The following ADAMTSL1 variants were observed in gnomAD, a reference collection of about 807,000 sequenced individuals.
ADAMTSL1 encodes ADAMTS like 1.
In ADAMTSL1, 126 loss-of-function variants were observed where a neutral mutation model predicts 201.8. The ratio of observed to expected loss-of-function variants is 0.62; its 90% CI spans 0.54 to 0.72. ADAMTSL1 has a LOEUF of 0.72. Ranked by LOEUF, ADAMTSL1 falls within the 30% of genes least tolerant of loss-of-function variation. The pLI is 0.00. For synonymous variants in ADAMTSL1, 1,121 were observed against 903.4 expected (o/e 1.24, Z -4.32); for missense variants, 2,679 against 2,277.8 (o/e 1.18, Z -3.59).
At position 17,910,284 on chromosome 9, in the gene ADAMTSL1, A is replaced by G. The variant is rs1825874661; in HGVS notation, c.87+3362A>G. 5.8e-5 allele frequency among the ~76,000 whole-genome samples: 4 copies of G among 69,200 alleles called. 2 individuals carry two copies. The South Asian group carries it at 3.9e-3, about 68-fold the overall frequency. The allele number at this position is 69,200 out of a possible 152,430, so 45.4% of individuals were successfully genotyped here. On this transcript the variant is annotated intron_variant, in intron 1 of 29. Transcript: ENST00000680146. Reference sequence around the variant, plus strand: ...ATCCACAAGGTAGAAATTCTACCTTATCATTGATAATTTGCTACAATACCT... The same window carrying G: ...ATCCACAAGGTAGAAATTCTACCTTGTCATTGATAATTTGCTACAATACCT...
intron 3 of ADAMTSL1, among the ~76,000 whole-genome samples, chr9:18,566,167 A>C (rs1821878326): frequency 6.6e-6 from 1 of 152,202 alleles, no homozygotes; most frequent in Non-Finnish European, 1.5e-5. Context: ...GAAAGAAAAA[A>C]ATTAGATATT....
At chr9:18,173,918 T>C (rs897355988) in intron 2 of ADAMTSL1, among the ~76,000 whole-genome samples, 1 of 152,154 alleles carries the variant, frequency 6.6e-6, no homozygotes, top group African/African-American at 2.4e-5. Context: ...ACTCCAACTT[T>C]TTTTCTTCAG....
chr9:18,865,344 T>A (rs1353921093), intron 23 of ADAMTSL1, among the ~76,000 whole-genome samples: 1 of 152,210 alleles, frequency 6.6e-6, no homozygotes, highest in Non-Finnish European at 1.5e-5. Flanking sequence ...TCCAGCTTCA[T>A]CCATGTCCCT....
chr9:18,653,051 A>T (rs1587808971), intron 7 of ADAMTSL1, among the ~76,000 whole-genome samples: 4 of 152,248 alleles, frequency 2.6e-5, no homozygotes, highest in Non-Finnish European at 2.9e-5. Context: ...GACTCTGCCA[A>T]TATGCCCCTT....
At chr9:17,916,086 A>AT (rs926997210) in intron 1 of ADAMTSL1, among the ~76,000 whole-genome samples, 5 of 152,214 alleles carry the variant, frequency 3.3e-5, no homozygotes, top group East Asian at 1.9e-4. Context: ...TGCACAGCTA[A>AT]TTTTTTTGTA....
At chr9:18,524,119 G>T (rs948523636) in intron 2 of ADAMTSL1, among the ~76,000 whole-genome samples, 2 of 151,296 alleles carry the variant, frequency 1.3e-5, no homozygotes, top group Admixed American at 1.3e-4. Context: ...TTATTTCCTC[G>T]AGCAGTGGTT....
chr9:18,439,000 T>G lies in ADAMTSL1; in HGVS notation c.208-65829T>G, dbSNP rs2275513. ...GATGGGTTGTTGACAGGTTTTTTTT[T>G]TTTTCTTTTTTCCTTTCCTTTTATT... On this transcript the variant is annotated intron_variant, in intron 2 of 29. Coordinates refer to the ADAMTSL1 transcript ENST00000680146. Among the ~76,000 whole-genome samples the G allele has an allele frequency of 3.6e-3, 549 of 152,034 alleles. 21 individuals are homozygous for G. In the South Asian group the frequency reaches 0.069, roughly 19 times the overall value.
chr9:18,801,531 C>T (rs141472437), intron 20 of ADAMTSL1, among the ~76,000 whole-genome samples: 24 of 152,292 alleles, frequency 1.6e-4, no homozygotes, highest in African/African-American at 5.5e-4. Context: ...TCTCCTCCCA[C>T]TCTCCACCCT....
intron 23 of ADAMTSL1, among the ~76,000 whole-genome samples, chr9:18,842,166 C>T (rs369159667): frequency 0.013 from 1,924 of 151,852 alleles, 30 homozygotes; most frequent in African/African-American, 0.028. Flanking sequence ...CTTTCTCTTG[C>T]GGGCATTTAG....
intron 20 of ADAMTSL1, among the ~76,000 whole-genome samples, chr9:18,815,711 C>CAAAAAAAA (rs35926602): frequency 1.5e-5 from 1 of 67,932 alleles, no homozygotes; most frequent in Non-Finnish European, 2.8e-5. Context: ...AACCCTGTCT[C>CAAAAAAAA]AAAAAAAAAA....
At chr9:18,141,768 CT>C (rs1490741138) in intron 1 of ADAMTSL1, among the ~76,000 whole-genome samples, 3 of 152,214 alleles carry the variant, frequency 2.0e-5, no homozygotes, top group Non-Finnish European at 4.4e-5. Context: ...TCACATACTC[CT>C]GTAGATCTTG....
intron 26 of ADAMTSL1, among the ~76,000 whole-genome samples, chr9:18,901,798 A>G (rs1046711121): frequency 6.6e-6 from 1 of 152,288 alleles, no homozygotes; most frequent in Non-Finnish European, 1.5e-5. Context: ...TGGCAAAAGT[A>G]AGTTCTTCCC....
chr9:18,838,586 G>A (rs1825487899), intron 23 of ADAMTSL1, among the ~76,000 whole-genome samples: 1 of 152,070 alleles, frequency 6.6e-6, no homozygotes, highest in African/African-American at 2.4e-5. Context: ...CAATGTTTTG[G>A]GAGGCTGAGA....
At chr9:18,530,327 T>A (rs1448792010) in intron 2 of ADAMTSL1, among the ~76,000 whole-genome samples, 1 of 152,116 alleles carries the variant, frequency 6.6e-6, no homozygotes, top group Non-Finnish European at 1.5e-5. Flanking sequence ...TTTTCATGGA[T>A]ATAAGGTTAG....
intron 1 of ADAMTSL1, among the ~76,000 whole-genome samples, chr9:18,011,044 GA>G: frequency 6.6e-6 from 1 of 151,898 alleles, no homozygotes; most frequent in Non-Finnish European, 1.5e-5. Flanking sequence ...GAATTCTTTA[GA>G]ACACAGTCTT....
At chr9:17,952,240 C>T (rs1306606423) in intron 1 of ADAMTSL1, among the ~76,000 whole-genome samples, 1 of 151,780 alleles carries the variant, frequency 6.6e-6, no homozygotes, top group African/African-American at 2.4e-5. Flanking sequence ...AGGTGTGAGC[C>T]ACTACTTCCA....
chr9:18,870,148 C>G (rs1023390728), intron 23 of ADAMTSL1, among the ~76,000 whole-genome samples: 1 of 152,106 alleles, frequency 6.6e-6, no homozygotes. Flanking sequence ...TTTTCATGTC[C>G]TTAAACATAT....
At chr9:18,305,788 G>A (rs1833885922) in intron 2 of ADAMTSL1, among the ~76,000 whole-genome samples, 1 of 152,208 alleles carries the variant, frequency 6.6e-6, no homozygotes, top group South Asian at 2.1e-4. Flanking sequence ...AGCTTCAGCA[G>A]ACTTGAACGT....
intron 2 of ADAMTSL1, among the ~76,000 whole-genome samples, chr9:18,347,026 G>A (rs1017886735): frequency 3.9e-5 from 6 of 152,126 alleles, no homozygotes; most frequent in African/African-American, 1.4e-4. Flanking sequence ...CTCTGCTACA[G>A]CTGCCTGCTT....
Sources: allele counts gnomAD v4.1 joint callset (sites outside exome capture counted in the v4.1 genomes callset), GRCh38; gene constraint gnomAD v4.1.1; transcripts MANE v1.5; gene names NCBI Gene and HGNC (gene_info 2026-07-23, HGNC 2026-07-21).